CENPK: variants seen among roughly 807,000 people sequenced by gnomAD.
The protein encoded by CENPK is centromere protein K, also known as SoxLZ/Sox6-binding protein Solt.
A neutral mutation model predicts 40.9 loss-of-function variants in CENPK; 46 were observed. The ratio of observed to expected loss-of-function variants is 1.13; its 90% CI spans 0.89 to 1.44. The LOEUF is 1.44. CENPK is among the 40% of genes most tolerant of loss of function. The pLI, the probability that CENPK is intolerant of heterozygous loss-of-function variation, is 0.00. For missense variants in CENPK, 288 were observed against 303.5 expected (o/e 0.95, Z 0.38); for synonymous variants, 107 against 104.4 (o/e 1.02, Z -0.15).
the CENPK span, among the ~76,000 whole-genome samples, chr5:65,499,548 G>T: frequency 2.7e-5 from 4 of 150,740 alleles, no homozygotes; most frequent in Non-Finnish European, 5.9e-5. Context: ...TCTTGAATCT[G>T]TAGGTTTATG....
chr5:65,516,879 G>A (rs979444575), downstream of CENPK, among the ~76,000 whole-genome samples: 3 of 152,038 alleles, frequency 2.0e-5, no homozygotes, highest in Non-Finnish European at 2.9e-5. Context: ...GAAGCATATT[G>A]ACATACCCCA....
chr5:65,522,309 G>A (rs192019183), intron 9 of CENPK, among the ~76,000 whole-genome samples: 3 of 152,278 alleles, frequency 2.0e-5, no homozygotes, highest in East Asian at 1.9e-4. Flanking sequence ...TTGGAACGAC[G>A]AGAATAAATC....
the CENPK span, among the ~76,000 whole-genome samples, chr5:65,499,981 C>T: frequency 2.3e-5 from 2 of 85,808 alleles, no homozygotes; most frequent in African/African-American, 4.5e-5. Context: ...ATCCATGTCC[C>T]TACAAAGGAC....
downstream of CENPK, chr5:65,517,762 T>C (rs1172639928): frequency 6.6e-6 from 1 of 152,078 alleles, no homozygotes; most frequent in Non-Finnish European, 1.5e-5. Flanking sequence ...ACATCACTAA[T>C]AGCTAGAGAT....
At chr5:65,510,786 A>G in the CENPK span, among the ~76,000 whole-genome samples, 552 of 151,982 alleles carry the variant, frequency 3.6e-3, 5 homozygotes, top group African/African-American at 0.013. Flanking sequence ...CAAAAAAAAA[A>G]AAAGAAAGAA....
At chr5:65,500,892 G>C in the CENPK span, among the ~76,000 whole-genome samples, 1 of 151,950 alleles carries the variant, frequency 6.6e-6, no homozygotes, top group East Asian at 1.9e-4. Flanking sequence ...GGATGTTCTC[G>C]ATCTCTTGAC....
rs1309497585 is a variant in CENPK, at chr5:65,526,745, A to G, written c.597+1707T>C. 2.0e-5 allele frequency among the ~76,000 whole-genome samples: 3 copies of G among 152,068 alleles called. No homozygotes were observed. The East Asian group carries it at 5.8e-4, about 29-fold the overall frequency. On this transcript the variant is annotated intron_variant, in intron 9 of 10. Transcript: ENST00000396679. ...AGGCTGAGGCGGGAGGATAGCTTCA[A>G]CCCAGGAGTTCAAGTCTAACCTGGG...
chr5:65,544,814 G>T (rs1031931103), intron 5 of CENPK, among the ~76,000 whole-genome samples: 1 of 152,132 alleles, frequency 6.6e-6, no homozygotes. Flanking sequence ...CATTATATGA[G>T]GTATCTAAAC....
intron 2 of CENPK, chr5:65,555,179 CAT>C (rs1750773562): frequency 4.1e-6 from 1 of 242,188 alleles, no homozygotes; most frequent in African/African-American, 2.3e-5. Flanking sequence ...AAGGAAGAAA[CAT>C]AGGAAATGCT....
At chr5:65,546,236 GC>G (rs1748941643) in intron 5 of CENPK, among the ~76,000 whole-genome samples, 1 of 54,530 alleles carries the variant, frequency 1.8e-5, no homozygotes. Flanking sequence ...CTGCCCCCCC[GC>G]TCAGGTGATC....
intron 10 of CENPK, among the ~76,000 whole-genome samples, 171 bp from the exon 11 acceptor site, chr5:65,518,804 T>C (rs1046918494): frequency 2.0e-5 from 3 of 152,088 alleles, no homozygotes; most frequent in Admixed American, 2.0e-4. Flanking sequence ...TATTAGCTAA[T>C]GAAAAAAGCT....
chr5:65,522,369 A>T (rs140234172), intron 9 of CENPK, among the ~76,000 whole-genome samples: 11 of 152,250 alleles, frequency 7.2e-5, no homozygotes, highest in African/African-American at 2.6e-4. Flanking sequence ...GACTGCTATT[A>T]TAAGGCTCAA....
chr5:65,521,449 C>G (rs770618333), intron 10 of CENPK, 26 bp downstream of exon 10: 7 of 1,588,388 alleles, frequency 4.4e-6, no homozygotes, highest in Non-Finnish European at 6.0e-6. Context: ...AGCTTCAAGA[C>G]AAAACAAACT....
chr5:65,551,787 T>TA (rs1349687995), intron 4 of CENPK, 151 bp from the exon 5 acceptor site: 3 of 453,536 alleles, frequency 6.6e-6, no homozygotes, highest in Non-Finnish European at 1.2e-5. Context: ...TTTTAATTCT[T>TA]AATCTGTTTC....
chr5:65,555,133 A>G, intron 2 of CENPK, 187 bp from the exon 3 acceptor site: 1 of 313,814 alleles, frequency 3.2e-6, no homozygotes, highest in African/African-American at 2.2e-5. Flanking sequence ...ATACTGTAGT[A>G]TATCAAATGA....
chr5:65,508,609 A>AC, the CENPK span, among the ~76,000 whole-genome samples: 48 of 152,040 alleles, frequency 3.2e-4, no homozygotes, highest in South Asian at 1.0e-2. Context: ...ATATGGTGAA[A>AC]CCCCATCTCT....
rs906122153 is a variant in CENPK, at chr5:65,561,532, G to A, written c.-109C>T. 11 of 455,670 alleles carry A rather than the reference G, an allele frequency of 2.4e-5. No homozygotes were observed. The highest frequency in any genetic ancestry group is 1.8e-4 in the African/African-American group (9 of 50,026). 28.2% of individuals were successfully genotyped at this position (455,670 alleles called of 1,614,324 possible). A position where few individuals can be genotyped will look rare whatever the true frequency, so the allele number is the denominator to read the frequency against. ...GTCATCAACAGAACCAGAAAATGAT[G>A]GCACCCAGATCTTGAATCTCCAGCC... On this transcript the variant is annotated 5_prime_UTR_variant, in exon 2 of 11. Coordinates refer to ENST00000396679, the MANE Select transcript of CENPK (RefSeq NM_022145.5).
chr5:65,528,966 T>C lies in CENPK; in HGVS notation c.423A>G (p.Val141=), dbSNP rs1406824741. 1 of 1,609,718 alleles carries C rather than the reference T, an allele frequency of 6.2e-7. No homozygotes were observed. The highest frequency in any genetic ancestry group is 1.1e-5 in the South Asian group (1 of 90,332). ...EQQQIMESLN[V]LHSELKNKVE... ...CCTTATTTTTCAATTCACTGTGTAG[T>C]ACATTAAGAGATTCCATTATCTGTT... The change falls in exon 8 of 11, where the codon GTA becomes GTG. Residue 141 remains valine (V), a synonymous_variant. Coordinates refer to ENST00000396679, the MANE Select transcript of CENPK (RefSeq NM_022145.5).
At chr5:65,554,165 A>C (rs1750596606) in intron 3 of CENPK, among the ~76,000 whole-genome samples, 1 of 146,894 alleles carries the variant, frequency 6.8e-6, no homozygotes, top group Non-Finnish European at 1.5e-5. Context: ...TTTGAGACGG[A>C]GTCTCACTCT....
Sources: allele counts gnomAD v4.1 joint callset (sites outside exome capture counted in the v4.1 genomes callset), GRCh38; gene constraint gnomAD v4.1.1; transcripts MANE v1.5; gene names NCBI Gene and HGNC (gene_info 2026-07-23, HGNC 2026-07-21).